The following SMYD3 variants were observed in gnomAD, a reference collection of about 807,000 sequenced individuals.
SMYD3 encodes histone-lysine N-methyltransferase SMYD3.
SMYD3 carries 36 observed loss-of-function variants against 57.7 expected under a neutral mutation model. That is an observed-to-expected ratio of 0.62 (90% CI 0.48 to 0.82). The LOEUF is 0.82. SMYD3 is among the 40% of genes least tolerant of loss of function. The pLI is 0.00. For synonymous variants in SMYD3, 211 were observed against 195.0 expected (o/e 1.08, Z -0.68); for missense variants, 515 against 538.8 (o/e 0.96, Z 0.44).
intron 10 of SMYD3, among the ~76,000 whole-genome samples, chr1:245,817,411 A>G (rs1197264054): frequency 2.0e-5 from 3 of 149,350 alleles, no homozygotes; most frequent in Non-Finnish European, 3.0e-5. Context: ...CACCATCATC[A>G]AAGACCAAAA....
rs113419411 is a variant in SMYD3 at position 246,116,877 on chromosome 1, A to G, written c.532-186940T>C. Among the ~76,000 whole-genome samples, 22 of 152,338 alleles carry G rather than the reference A, an allele frequency of 1.4e-4. 1 individual carries two copies. Among genetic ancestry groups the G allele is most frequent in the African/African-American group, 4.8e-4 (20 of 41,580 alleles). On this transcript the variant is annotated intron_variant, in intron 5 of 11. Transcript: ENST00000490107. ...TTTTCACAGGCAATACTTTAAAAAT[A>G]AAACAAAAAAATTAGACTGCTAACT...
intron 5 of SMYD3, among the ~76,000 whole-genome samples, chr1:246,056,744 T>G (rs896784462): frequency 4.0e-5 from 6 of 151,498 alleles, no homozygotes; most frequent in African/African-American, 1.5e-4. Flanking sequence ...TATCACTCTG[T>G]AGCCCATAAA....
intron 1 of SMYD3, among the ~76,000 whole-genome samples, chr1:246,429,336 T>A (rs143777816): frequency 2.5e-4 from 38 of 152,302 alleles, no homozygotes; most frequent in African/African-American, 9.1e-4. Flanking sequence ...TGTAAGATGC[T>A]ATGGATTGTA....
chr1:246,437,639 T>C (rs2067399250), intron 1 of SMYD3, among the ~76,000 whole-genome samples: 2 of 152,238 alleles, frequency 1.3e-5, no homozygotes, highest in East Asian at 1.9e-4. Context: ...TGAATTTGTT[T>C]GCTAAAAGAT....
At chr1:246,482,745 T>C (rs2068128045) in intron 1 of SMYD3, among the ~76,000 whole-genome samples, 1 of 152,144 alleles carries the variant, frequency 6.6e-6, no homozygotes. Flanking sequence ...TTTATAAACA[T>C]AAGATACGAT....
intron 1 of SMYD3, among the ~76,000 whole-genome samples, chr1:246,451,857 C>G (rs56757213): frequency 0.035 from 5,254 of 152,154 alleles, 275 homozygotes; most frequent in African/African-American, 0.12. Flanking sequence ...ATCAAATAAG[C>G]AAAACCCAAA....
At chr1:245,991,159 T>G (rs541741972) in intron 5 of SMYD3, among the ~76,000 whole-genome samples, 1 of 152,262 alleles carries the variant, frequency 6.6e-6, no homozygotes, top group East Asian at 1.9e-4. Flanking sequence ...GTGGAAAAAA[T>G]GCACTTATTC....
chr1:246,211,212 G>A (rs558911759), intron 5 of SMYD3, among the ~76,000 whole-genome samples: 114 of 152,278 alleles, frequency 7.5e-4, no homozygotes, highest in African/African-American at 2.6e-3. Flanking sequence ...TTTGTTTGAT[G>A]AAGAAAAATT....
At chr1:246,501,032 C>A (rs1223373849) in intron 1 of SMYD3, among the ~76,000 whole-genome samples, 1 of 152,194 alleles carries the variant, frequency 6.6e-6, no homozygotes, top group Non-Finnish European at 1.5e-5. Context: ...TAGCCACTGC[C>A]CAGGAAGTTG....
chr1:246,238,894 T>C (rs929219907), intron 5 of SMYD3, among the ~76,000 whole-genome samples: 2 of 59,894 alleles, frequency 3.3e-5, no homozygotes, highest in African/African-American at 1.2e-4. Flanking sequence ...CTTTGTTTGG[T>C]TTTTTTTTTT....
At chr1:246,245,120 CTT>C (rs74163421) in intron 5 of SMYD3, among the ~76,000 whole-genome samples, 388 of 122,946 alleles carry the variant, frequency 3.2e-3, no homozygotes, top group South Asian at 4.8e-3. Flanking sequence ...CAGCTACTGC[CTT>C]TTTTTTTTTT....
At chr1:246,234,761 A>G (rs984126373) in intron 5 of SMYD3, among the ~76,000 whole-genome samples, 9 of 152,358 alleles carry the variant, frequency 5.9e-5, no homozygotes, top group African/African-American at 2.2e-4. Flanking sequence ...ATGTTAATTT[A>G]AAAATAATAT....
intron 5 of SMYD3, among the ~76,000 whole-genome samples, chr1:246,199,613 C>T (rs2062878220): frequency 6.6e-6 from 1 of 152,228 alleles, no homozygotes; most frequent in Admixed American, 6.5e-5. Flanking sequence ...ACGTTTGACA[C>T]ATTTCCAATA....
At chr1:245,958,940 T>G (rs1410090802) in intron 5 of SMYD3, among the ~76,000 whole-genome samples, 3 of 152,158 alleles carry the variant, frequency 2.0e-5, no homozygotes, top group Admixed American at 1.3e-4. Context: ...CAGAGTTTCA[T>G]TCCGTCTCCC....
intron 1 of SMYD3, among the ~76,000 whole-genome samples, chr1:246,434,296 TTAAAA>T (rs2067338581): frequency 6.6e-6 from 1 of 152,134 alleles, no homozygotes; most frequent in African/African-American, 2.4e-5. Flanking sequence ...TGGAACCTAA[TTAAAA>T]TAAAGAGCAT....
At chr1:246,102,850 AC>A (rs1394391815) in intron 5 of SMYD3, among the ~76,000 whole-genome samples, 5 of 152,270 alleles carry the variant, frequency 3.3e-5, no homozygotes, top group South Asian at 2.1e-4. Flanking sequence ...ATACAAGTGC[AC>A]CCCAGCCTGG....
intron 10 of SMYD3, among the ~76,000 whole-genome samples, chr1:245,846,025 G>C (rs1240801833): frequency 6.6e-6 from 1 of 152,146 alleles, no homozygotes; most frequent in African/African-American, 2.4e-5. Flanking sequence ...CAAATACACA[G>C]TTTTTAAATC....
At chr1:245,846,097 G>C (rs557396139) in intron 10 of SMYD3, among the ~76,000 whole-genome samples, 8 of 152,184 alleles carry the variant, frequency 5.3e-5, no homozygotes, top group East Asian at 1.9e-4. Flanking sequence ...TGAATGGGGT[G>C]GGGGGGAAGA....
At chr1:246,038,363 T>A (rs61839459) in intron 5 of SMYD3, among the ~76,000 whole-genome samples, 14,482 of 152,146 alleles carry the variant, frequency 0.095, 947 homozygotes, top group Admixed American at 0.22. Context: ...AAGAGTCTTC[T>A]TAATGAGACA....
Sources: gnomAD v4.1 joint callset for allele counts (sites outside exome capture counted in the v4.1 genomes callset) on GRCh38, gnomAD v4.1.1 for gene constraint, MANE v1.5 for transcripts, NCBI Gene and HGNC (gene_info 2026-07-23, HGNC 2026-07-21) for gene names.